The following ARHGAP22 variants were observed in gnomAD, a reference collection of about 807,000 sequenced individuals.
ARHGAP22 encodes rho GTPase-activating protein 22.
A neutral mutation model predicts 59.1 loss-of-function variants in ARHGAP22; 48 were observed. The ratio of observed to expected loss-of-function variants is 0.81; its 90% CI spans 0.64 to 1.03. The LOEUF (loss-of-function observed/expected upper bound fraction) is 1.03. Among genes scored for constraint, ARHGAP22 ranks in the 50% least tolerant of loss-of-function variants. The pLI is 0.00. For missense variants in ARHGAP22, 1,015 were observed against 958.7 expected (o/e 1.06, Z -0.78); for synonymous variants, 445 against 416.4 (o/e 1.07, Z -0.84).
chr10:48,577,402 G>C (rs977374326), intron 2 of ARHGAP22, among the ~76,000 whole-genome samples: 1 of 152,166 alleles, frequency 6.6e-6, no homozygotes, highest in African/African-American at 2.4e-5. Context: ...TCCCACTTGA[G>C]AATGGTTCTC....
chr10:48,552,882 A>T (rs928230414), intron 3 of ARHGAP22, among the ~76,000 whole-genome samples: 6 of 152,234 alleles, frequency 3.9e-5, no homozygotes, highest in Non-Finnish European at 8.8e-5. Flanking sequence ...CTGTAACAGG[A>T]AGCCCACCCT....
intron 3 of ARHGAP22, among the ~76,000 whole-genome samples, chr10:48,500,760 G>A (rs7907983): frequency 0.054 from 8,238 of 151,794 alleles, 774 homozygotes; most frequent in African/African-American, 0.19. Flanking sequence ...GCGTGGTGGC[G>A]GGCACCTGTA....
intron 4 of ARHGAP22, among the ~76,000 whole-genome samples, chr10:48,460,706 T>C (rs2047055473): frequency 6.8e-6 from 1 of 147,566 alleles, no homozygotes; most frequent in East Asian, 2.0e-4. Context: ...TCACAGTAGC[T>C]GAAATGCGGA....
intron 3 of ARHGAP22, among the ~76,000 whole-genome samples, chr10:48,546,249 G>C (rs1487477911): frequency 1.3e-5 from 2 of 152,362 alleles, no homozygotes; most frequent in Middle Eastern, 3.4e-3. Context: ...GCACAGAATA[G>C]ACATTGGTGG....
chr10:48,486,467 A>C (rs1290289411), intron 3 of ARHGAP22, among the ~76,000 whole-genome samples: 2 of 151,872 alleles, frequency 1.3e-5, no homozygotes, highest in Non-Finnish European at 2.9e-5. Flanking sequence ...CAGCCTCTTG[A>C]GTAGCTGGGA....
intron 8 of ARHGAP22, 67 bp from the exon 9 acceptor site, chr10:48,451,207 C>T (rs1170389082): frequency 6.5e-7 from 1 of 1,544,784 alleles, no homozygotes; most frequent in Non-Finnish European, 8.8e-7. Context: ...CTCTGCCAGT[C>T]ATGGAGAAGC....
chr10:48,654,421 G>A (rs2062677096), upstream of ARHGAP22, among the ~76,000 whole-genome samples: 1 of 152,212 alleles, frequency 6.6e-6, no homozygotes, highest in Non-Finnish European at 1.5e-5. Flanking sequence ...CATGGCCTTG[G>A]TTGGTCCACT....
chr10:48,461,615 T>C (rs1335667284), intron 4 of ARHGAP22, among the ~76,000 whole-genome samples: 1 of 152,222 alleles, frequency 6.6e-6, no homozygotes, highest in Non-Finnish European at 1.5e-5. Context: ...AAGAGGTTCC[T>C]GGCAGCCCAG....
chr10:48,633,798 TAG>T (rs142074109), intron 1 of ARHGAP22, among the ~76,000 whole-genome samples: 1,863 of 152,268 alleles, frequency 0.012, 40 homozygotes, highest in African/African-American at 0.042. Flanking sequence ...GGCAGGTTAA[TAG>T]AGACAGGATC....
At chr10:48,557,270 AAC>A (rs1226615572) in intron 2 of ARHGAP22, among the ~76,000 whole-genome samples, 15 of 152,262 alleles carry the variant, frequency 9.9e-5, no homozygotes, top group Admixed American at 9.8e-4. Flanking sequence ...CTGTTTCAGT[AAC>A]AGAGTCCCTG....
chr10:48,442,787 C>T (rs56078229), downstream of ARHGAP22, among the ~76,000 whole-genome samples: 26,259 of 152,100 alleles, frequency 0.17, 2,727 homozygotes, highest in South Asian at 0.29. Flanking sequence ...TAGAAAAACA[C>T]GTCTCTACCA....
At chr10:48,535,619 G>A (rs1187925318) in intron 3 of ARHGAP22, among the ~76,000 whole-genome samples, 2 of 152,226 alleles carry the variant, frequency 1.3e-5, no homozygotes, top group African/African-American at 4.8e-5. Context: ...AAGAGAAGCA[G>A]AGGCTTTGGC....
chr10:48,460,021 G>C, intron 4 of ARHGAP22, 130 bp from the exon 5 acceptor site: 1 of 910,930 alleles, frequency 1.1e-6, no homozygotes, highest in East Asian at 2.7e-5. Flanking sequence ...TACACACTGG[G>C]AGGATGCATA....
At chr10:48,532,932 C>A (rs1228881890) in intron 3 of ARHGAP22, 3 of 152,062 alleles carry the variant, frequency 2.0e-5, no homozygotes, top group Non-Finnish European at 4.4e-5. Context: ...TTGGGCCTGT[C>A]CTTATTGAAC....
At chr10:48,493,270 G>C (rs1040087697) in intron 3 of ARHGAP22, among the ~76,000 whole-genome samples, 1 of 152,214 alleles carries the variant, frequency 6.6e-6, no homozygotes, top group African/African-American at 2.4e-5. Context: ...CCTGCCAGAT[G>C]TACCAGGCTG....
upstream of ARHGAP22, among the ~76,000 whole-genome samples, chr10:48,607,633 A>G (rs2060727213): frequency 6.6e-6 from 1 of 152,126 alleles, no homozygotes. Flanking sequence ...CTTTTATTTG[A>G]AGAACCAGCC....
intron 3 of ARHGAP22, among the ~76,000 whole-genome samples, chr10:48,505,990 T>C: frequency 6.6e-6 from 1 of 152,200 alleles, no homozygotes; most frequent in South Asian, 2.1e-4. Context: ...TCTATAGGCA[T>C]GTGAGAAACT....
At chr10:48,523,874 G>T (rs1480425931) in intron 3 of ARHGAP22, among the ~76,000 whole-genome samples, 4 of 152,060 alleles carry the variant, frequency 2.6e-5, no homozygotes, top group African/African-American at 9.6e-5. Context: ...CCCGAGTGAA[G>T]GGGAGCCTCC....
chr10:48,494,340 C>T (rs7913593), intron 3 of ARHGAP22, among the ~76,000 whole-genome samples: 40,036 of 152,098 alleles, frequency 0.26, 5,421 homozygotes, highest in South Asian at 0.36. Flanking sequence ...GAGCAGGAAG[C>T]AGCTCCTTCA....
Sources: gnomAD v4.1 joint callset for allele counts (sites outside exome capture counted in the v4.1 genomes callset) on GRCh38, gnomAD v4.1.1 for gene constraint, MANE v1.5 for transcripts, NCBI Gene and HGNC (gene_info 2026-07-23, HGNC 2026-07-21) for gene names.